The following TMPRSS3 variants were observed in gnomAD, a reference collection of about 807,000 sequenced individuals.
The protein encoded by TMPRSS3 is transmembrane protease serine 3.
In TMPRSS3, 55 loss-of-function variants were observed where a neutral mutation model predicts 59.6. The ratio of observed to expected loss-of-function variants is 0.92; its 90% CI spans 0.74 to 1.16. TMPRSS3 has a LOEUF of 1.16. Ranked by LOEUF, TMPRSS3 falls within the 50% of genes most tolerant of loss-of-function variation. The pLI, the probability that TMPRSS3 is intolerant of heterozygous loss-of-function variation, is 0.00. For synonymous variants in TMPRSS3, 257 were observed against 237.7 expected, an observed-to-expected ratio of 1.08 and a Z score of -0.75; for missense variants, 596 against 579.4, an observed-to-expected ratio of 1.03 and a Z score of -0.29.
intron 2 of TMPRSS3, 39 bp from the exon 3 acceptor site, chr21:42,390,076 C>T (rs761354094): frequency 4.7e-6 from 7 of 1,481,284 alleles, no homozygotes; most frequent in Non-Finnish European, 6.6e-6. Flanking sequence ...AGCCACAGAA[C>T]CTGACTTGGA....
rs746526904 is a variant in TMPRSS3 at position 42,389,037 on chromosome 21, C to T, written c.214G>A (p.Asp72Asn). ...CGACATCTGTACTTCCCTGAGCAGT[C>T]GAAGTGGACTGGGAAAAGGGAGGAA... ...ALAIGLGIHF[D>N]CSGKYRCRSS... The change falls in exon 4 of 13, where the codon GAC becomes AAC. Residue 72 changes from aspartate (D) to asparagine (N), a missense_variant. Transcript: ENST00000644384. 1.2e-5 allele frequency: 20 copies of T among 1,614,084 alleles called. No individual in the cohort carries two copies. The highest frequency in any genetic ancestry group is 4.4e-5 in the South Asian group (4 of 91,076).
At chr21:42,376,911 C>A (rs987405584) in intron 10 of TMPRSS3, among the ~76,000 whole-genome samples, 9 of 152,124 alleles carry the variant, frequency 5.9e-5, no homozygotes, top group Non-Finnish European at 1.0e-4. Context: ...CCGCAAGGGG[C>A]CAGTCTGCTT....
intron 5 of TMPRSS3, among the ~76,000 whole-genome samples, chr21:42,386,507 G>T (rs2052635608): frequency 6.6e-6 from 1 of 152,174 alleles, no homozygotes; most frequent in African/African-American, 2.4e-5. Flanking sequence ...CCAGGCAAGG[G>T]GACCCCAGTG....
chr21:42,393,464 C>A (rs893439471), intron 2 of TMPRSS3, among the ~76,000 whole-genome samples: 5 of 152,150 alleles, frequency 3.3e-5, no homozygotes, highest in Non-Finnish European at 5.9e-5. Context: ...AGCAGTTCCA[C>A]TTCTAGGAAT....
intron 10 of TMPRSS3, among the ~76,000 whole-genome samples, chr21:42,377,462 C>T (rs1318624850): frequency 6.6e-6 from 1 of 152,234 alleles, no homozygotes; most frequent in Admixed American, 6.5e-5. Flanking sequence ...GCCAGCACAG[C>T]CCACACTTGA....
chr21:42,393,725 G>A (rs986211370), intron 2 of TMPRSS3, among the ~76,000 whole-genome samples: 5 of 152,174 alleles, frequency 3.3e-5, no homozygotes, highest in Admixed American at 1.3e-4. Flanking sequence ...TGGGCCATGC[G>A]GTCTGTCCTA....
In TMPRSS3 at chr21:42,382,109, T is replaced by C. The variant is rs773886793; in HGVS notation, c.908A>G (p.Asn303Ser). 8 of 1,614,110 alleles carry C rather than the reference T, an allele frequency of 5.0e-6. No homozygotes were observed. The African/African-American group carries it at 1.1e-4, about 22-fold the overall frequency. The change falls in exon 9 of 13, where the codon AAT becomes AGT. Residue 303 changes from asparagine (N) to serine (S), a missense_variant. Coordinates refer to ENST00000644384, the MANE Select transcript of TMPRSS3 (RefSeq NM_001256317.3). ...GGCCAGCTTCATAAGGGCGATGTCATTGCCCAGCCTCTTTGGCTTGTACTT... is the reference window on the plus strand; with the variant it reads ...GGCCAGCTTCATAAGGGCGATGTCACTGCCCAGCCTCTTTGGCTTGTACTT... ...HSKYKPKRLG[N>S]DIALMKLAGP...
Position 42,387,981 on chromosome 21 carries a change from G to T in TMPRSS3, c.446+422C>A, listed in dbSNP as rs1000587646. On this transcript the variant is annotated intron_variant, in intron 5 of 12. Coordinates refer to ENST00000644384, the MANE Select transcript of TMPRSS3 (RefSeq NM_001256317.3). ...CTAAATTTCTGACTTTCAACAATTG[G>T]TTCTGTGGGGTTCTTGGGGAAGCGT... Among the ~76,000 whole-genome samples the T allele has an allele frequency of 2.6e-5, 4 of 152,222 alleles. 1 individual carries two copies. The highest frequency in any genetic ancestry group is 4.1e-4 in the South Asian group (2 of 4,834).
intron 9 of TMPRSS3, 85 bp downstream of exon 9, chr21:42,381,980 C>A: frequency 6.6e-7 from 1 of 1,506,056 alleles, no homozygotes; most frequent in African/African-American, 1.4e-5. Flanking sequence ...ATAAAGCAGC[C>A]ATCATAAGAA....
At chr21:42,373,156 A>G (rs572230711) in intron 12 of TMPRSS3, among the ~76,000 whole-genome samples, 19 of 152,286 alleles carry the variant, frequency 1.2e-4, no homozygotes, top group Non-Finnish European at 2.6e-4. Flanking sequence ...CATGCCACCA[A>G]CTAGCACACG....
chr21:42,384,070 A>G, intron 6 of TMPRSS3, 57 bp from the exon 7 acceptor site: 1 of 1,523,234 alleles, frequency 6.6e-7, no homozygotes, highest in South Asian at 1.1e-5. Context: ...TGAAAGGAAC[A>G]CTCTTAAAAA....
At chr21:42,389,288 G>T in intron 3 of TMPRSS3, 1 of 266,046 alleles carries the variant, frequency 3.8e-6, no homozygotes, top group Non-Finnish European at 5.8e-6. Context: ...AGTGCAAGGT[G>T]AATTTAGACT....
chr21:42,376,727 G>C, intron 10 of TMPRSS3, 44 bp from the exon 11 acceptor site: 10 of 1,613,182 alleles, frequency 6.2e-6, no homozygotes, highest in Non-Finnish European at 8.5e-6. Flanking sequence ...AAGGAAGCCC[G>C]GCCCAAAACA....
At position 42,395,423 on chromosome 21, in the gene TMPRSS3, C is replaced by T; in HGVS notation, c.-6G>A. On this transcript the variant is annotated 5_prime_UTR_variant, in exon 2 of 13. It removes the in-frame stop codon of an upstream open reading frame in the 5' UTR. Coordinates refer to ENST00000644384, the MANE Select transcript of TMPRSS3 (RefSeq NM_001256317.3). ...GGCGGATCATTTTCCCCCATGGTGA[C>T]TATTTCAGGACCTCTGACATCCGGC... is the stretch of plus-strand genomic sequence containing the variant. 6.2e-7 allele frequency: 1 copy of T among 1,613,774 alleles called. No homozygotes were observed. The highest frequency in any genetic ancestry group is 1.1e-5 in the South Asian group (1 of 91,062).
chr21:42,391,028 T>C (rs2052726458), intron 2 of TMPRSS3, among the ~76,000 whole-genome samples: 1 of 152,004 alleles, frequency 6.6e-6, no homozygotes, highest in Non-Finnish European at 1.5e-5. Flanking sequence ...AGTCACCCAG[T>C]TTTGGGGACT....
At chr21:42,391,210 G>A (rs1295946266) in intron 2 of TMPRSS3, among the ~76,000 whole-genome samples, 2 of 152,176 alleles carry the variant, frequency 1.3e-5, no homozygotes, top group African/African-American at 2.4e-5. Context: ...TTGTTTGTTT[G>A]TTTAAATTTT....
intron 11 of TMPRSS3, 132 bp downstream of exon 11, chr21:42,376,409 T>C: frequency 7.7e-7 from 1 of 1,305,400 alleles, no homozygotes. Flanking sequence ...AAAGGAGTGA[T>C]ATCTTGAGCA....
chr21:42,382,581 G>A (rs1008294015), intron 8 of TMPRSS3: 38 of 399,484 alleles, frequency 9.5e-5, no homozygotes, highest in Admixed American at 8.0e-4. Flanking sequence ...GAACCATTGT[G>A]TTTGGAAGTC....
chr21:42,389,741 G>A (rs2052702483), intron 3 of TMPRSS3, among the ~76,000 whole-genome samples, 186 bp downstream of exon 3: 1 of 152,228 alleles, frequency 6.6e-6, no homozygotes, highest in Non-Finnish European at 1.5e-5. Flanking sequence ...AGCCCTTGCG[G>A]CACCCCAGAC....
Sources: allele counts gnomAD v4.1 joint callset (sites outside exome capture counted in the v4.1 genomes callset), GRCh38; gene constraint gnomAD v4.1.1; transcripts MANE v1.5; gene names NCBI Gene and HGNC (gene_info 2026-07-23, HGNC 2026-07-21).